Variants in DTNB observed in about 807,000 individuals in gnomAD.
The protein encoded by DTNB is dystrobrevin beta.
DTNB carries 63 observed loss-of-function variants against 90.7 expected under a neutral mutation model. The ratio of observed to expected loss-of-function variants is 0.69; its 90% CI spans 0.57 to 0.86. The LOEUF is 0.86. DTNB is among the 40% of genes least tolerant of loss of function. The probability of loss-of-function intolerance (pLI) is 0.00; values close to 1 mark genes in which losing one functional copy is unlikely to be tolerated. For missense variants in DTNB, 744 were observed against 807.1 expected (o/e 0.92, Z 0.95); for synonymous variants, 277 against 286.7 (o/e 0.97, Z 0.34).
At chr2:25,536,327 T>G (rs1416060569) in intron 8 of DTNB, among the ~76,000 whole-genome samples, 1 of 152,170 alleles carries the variant, frequency 6.6e-6, no homozygotes, top group Non-Finnish European at 1.5e-5. Context: ...GCTGTAATCT[T>G]AGCACCTTGG....
chr2:25,536,985 C>A (rs2079974838), intron 8 of DTNB, among the ~76,000 whole-genome samples: 1 of 152,186 alleles, frequency 6.6e-6, no homozygotes, highest in Non-Finnish European at 1.5e-5. Flanking sequence ...TCGTGAACCA[C>A]CTGCCTCAGC....
At chr2:25,467,613 A>G (rs1170077980) in intron 10 of DTNB, among the ~76,000 whole-genome samples, 1 of 152,056 alleles carries the variant, frequency 6.6e-6, no homozygotes, top group Non-Finnish European at 1.5e-5. Flanking sequence ...CCTTGTAATC[A>G]TATTTCATTA....
At chr2:25,541,499 T>A (rs867568697) in intron 8 of DTNB, among the ~76,000 whole-genome samples, 34 of 151,832 alleles carry the variant, frequency 2.2e-4, no homozygotes, top group African/African-American at 8.0e-4. Context: ...AATAAATACA[T>A]AAATAAAAAT....
chr2:25,408,383 AC>A (rs2045769530), intron 16 of DTNB, among the ~76,000 whole-genome samples: 2 of 151,620 alleles, frequency 1.3e-5, no homozygotes, highest in African/African-American at 4.8e-5. Context: ...CAAAAAACCA[AC>A]AAAAATTAGT....
At chr2:25,504,357 AGGAG>A (rs1388050296) in intron 9 of DTNB, among the ~76,000 whole-genome samples, 1 of 148,330 alleles carries the variant, frequency 6.7e-6, no homozygotes, top group Non-Finnish European at 1.5e-5. Flanking sequence ...GGAGGAAGGA[AGGAG>A]GGAGGGAGAG....
intron 5 of DTNB, among the ~76,000 whole-genome samples, chr2:25,603,020 A>G (rs991737862): frequency 1.3e-5 from 2 of 152,190 alleles, no homozygotes; most frequent in African/African-American, 4.8e-5. Flanking sequence ...CAAGAAGTAG[A>G]CTGAGTGAAT....
intron 8 of DTNB, among the ~76,000 whole-genome samples, chr2:25,547,181 T>C (rs2082612279): frequency 6.6e-6 from 1 of 152,156 alleles, no homozygotes; most frequent in Non-Finnish European, 1.5e-5. Flanking sequence ...CAAGTTGAAT[T>C]ATTCTTGCAT....
rs761823902 is a variant in DTNB at position 25,451,620 on chromosome 2, A to G, written c.1185T>C (p.Pro395=). Residue 395 remains proline, a synonymous_variant, in exon 12 of 21, where the codon CCT becomes CCC. Transcript: ENST00000406818. ...GACGGTGTTCCTCATCCAGTCGGCT[A>G]GGACTGTCCAGAACACTGCCAAGGA... ...LQHCARVLDS[P]SRLDEEHRLI... is the part of the protein sequence containing the mutation. 3.1e-6 allele frequency: 5 copies of G among 1,600,784 alleles called. No individual in the cohort carries two copies. The South Asian group carries it at 4.5e-5, about 15-fold the overall frequency.
chr2:25,379,680 C>T, intron 19 of DTNB: 1 of 252,748 alleles, frequency 4.0e-6, no homozygotes, highest in Non-Finnish European at 7.5e-6. Context: ...TGAGGGCGGT[C>T]CCCCTCCTGC....
At chr2:25,425,403 A>C (rs2051215931) in intron 15 of DTNB, among the ~76,000 whole-genome samples, 1 of 152,198 alleles carries the variant, frequency 6.6e-6, no homozygotes, top group Admixed American at 6.5e-5. Flanking sequence ...CCAAGTTGCT[A>C]ATGCCCACTA....
intron 1 of DTNB, among the ~76,000 whole-genome samples, chr2:25,661,170 A>G (rs1163894776): frequency 6.6e-6 from 1 of 152,212 alleles, no homozygotes; most frequent in African/African-American, 2.4e-5. Flanking sequence ...TTTAATCTCA[A>G]CATAAGGAAG....
intron 1 of DTNB, among the ~76,000 whole-genome samples, chr2:25,663,116 T>TA (rs1559432914): frequency 6.8e-6 from 1 of 146,378 alleles, no homozygotes; most frequent in African/African-American, 2.5e-5. Context: ...CCTGTATCCA[T>TA]GTGTTCTCAC....
At chr2:25,550,134 G>C (rs796170087) in intron 8 of DTNB, among the ~76,000 whole-genome samples, 5 of 151,392 alleles carry the variant, frequency 3.3e-5, no homozygotes, top group African/African-American at 9.7e-5. Flanking sequence ...GCTCACGCCT[G>C]TAATCCCAGC....
chr2:25,416,662 T>A (rs2048002118), intron 16 of DTNB, among the ~76,000 whole-genome samples: 2 of 152,184 alleles, frequency 1.3e-5, no homozygotes, highest in South Asian at 4.2e-4. Flanking sequence ...CAAGACTCTG[T>A]CTCAGAAAAA....
intron 2 of DTNB, among the ~76,000 whole-genome samples, chr2:25,648,106 C>T (rs542319239): frequency 1.3e-5 from 2 of 152,246 alleles, no homozygotes; most frequent in Admixed American, 6.5e-5. Flanking sequence ...TGGTATCAAG[C>T]ACTTTGTACA....
intron 16 of DTNB, among the ~76,000 whole-genome samples, chr2:25,395,352 T>C (rs1335625188): frequency 2.0e-5 from 3 of 152,044 alleles, no homozygotes; most frequent in Non-Finnish European, 4.4e-5. Flanking sequence ...AATCAAATAC[T>C]ACCTGTTCCC....
At chr2:25,545,357 T>C (rs916241365) in intron 8 of DTNB, among the ~76,000 whole-genome samples, 2 of 152,170 alleles carry the variant, frequency 1.3e-5, no homozygotes, top group Non-Finnish European at 2.9e-5. Flanking sequence ...TCACAGTAGA[T>C]TGTTTTGTGA....
chr2:25,380,853 G>A (rs2149492499), intron 19 of DTNB, among the ~76,000 whole-genome samples: 1 of 152,310 alleles, frequency 6.6e-6, no homozygotes, highest in African/African-American at 2.4e-5. Flanking sequence ...CCCGGGCAAG[G>A]GAAACCCAGT....
chr2:25,480,819 T>C (rs936035828), intron 10 of DTNB, among the ~76,000 whole-genome samples: 2 of 152,232 alleles, frequency 1.3e-5, no homozygotes, highest in Non-Finnish European at 2.9e-5. Flanking sequence ...ATCTTTGATC[T>C]GGAGTCTGGG....
Sources: gnomAD v4.1 joint callset for allele counts (sites outside exome capture counted in the v4.1 genomes callset) on GRCh38, gnomAD v4.1.1 for gene constraint, MANE v1.5 for transcripts, NCBI Gene and HGNC (gene_info 2026-07-23, HGNC 2026-07-21) for gene names.